The following CD247 variants were observed in gnomAD, a reference collection of about 807,000 sequenced individuals.
CD247 encodes the protein CD247 molecule, also known as T-cell surface glycoprotein CD3 zeta chain.
A neutral mutation model predicts 30.0 loss-of-function variants in CD247; 13 were observed. That is an observed-to-expected ratio of 0.43 (90% CI 0.28 to 0.69). The LOEUF is 0.69. CD247 is among the 30% of genes least tolerant of loss of function. The probability of loss-of-function intolerance (pLI) is 0.16; values close to 1 mark genes in which losing one functional copy is unlikely to be tolerated. For missense variants in CD247, 193 were observed against 212.6 expected (o/e 0.91, Z 0.57); for synonymous variants, 72 against 80.0 (o/e 0.90, Z 0.53).
At chr1:167,454,287 C>T (rs1652521387) in intron 1 of CD247, among the ~76,000 whole-genome samples, 1 of 152,148 alleles carries the variant, frequency 6.6e-6, no homozygotes, top group Middle Eastern at 3.2e-3. Flanking sequence ...AGAGGAGCCA[C>T]GGGAGGGGGA....
At chr1:167,442,942 G>C (rs761558944) in intron 1 of CD247, among the ~76,000 whole-genome samples, 6 of 152,134 alleles carry the variant, frequency 3.9e-5, no homozygotes, top group Non-Finnish European at 7.4e-5. Context: ...CCACAGCTTT[G>C]TGCCACCCTG....
chr1:167,511,409 A>C (rs577148323), intron 1 of CD247, among the ~76,000 whole-genome samples: 13 of 152,310 alleles, frequency 8.5e-5, no homozygotes, highest in African/African-American at 2.9e-4. Flanking sequence ...GTTGAACTGC[A>C]AATTGAGGCG....
At chr1:167,475,485 C>CA (rs1653708702) in intron 1 of CD247, among the ~76,000 whole-genome samples, 1 of 151,984 alleles carries the variant, frequency 6.6e-6, no homozygotes, top group Admixed American at 6.6e-5. Context: ...AATATTCCAG[C>CA]AAACAAATGA....
chr1:167,509,312 C>CGAGAT (rs1655278856), intron 1 of CD247, among the ~76,000 whole-genome samples: 1 of 145,474 alleles, frequency 6.9e-6, no homozygotes, highest in East Asian at 2.0e-4. Context: ...TGTGGTGAGC[C>CGAGAT]GAGATCGCGC....
At chr1:167,502,756 A>C (rs1268060330) in intron 1 of CD247, among the ~76,000 whole-genome samples, 1 of 152,208 alleles carries the variant, frequency 6.6e-6, no homozygotes, top group Non-Finnish European at 1.5e-5. Flanking sequence ...CCATGCACAC[A>C]CAGGGAGAAT....
At chr1:167,450,386 C>T (rs1003115057) in intron 1 of CD247, among the ~76,000 whole-genome samples, 3 of 152,064 alleles carry the variant, frequency 2.0e-5, no homozygotes, top group Non-Finnish European at 2.9e-5. Context: ...CACAGCTACT[C>T]AGGAGGCTGA....
At chr1:167,517,522 G>A (rs1187662495) in intron 1 of CD247, among the ~76,000 whole-genome samples, 1 of 152,226 alleles carries the variant, frequency 6.6e-6, no homozygotes, top group African/African-American at 2.4e-5. Flanking sequence ...AAAACATGGT[G>A]GAAGCTAAAG....
chr1:167,431,892 C>G, intron 7 of CD247, 146 bp from the exon 8 acceptor site: 1 of 723,476 alleles, frequency 1.4e-6, no homozygotes. Context: ...TCCCCCTGGC[C>G]CCACGGGCAG....
At position 167,438,588 on chromosome 1, in the gene CD247, A is replaced by G; in HGVS notation, c.282T>C (p.Pro94=). 6.2e-7 allele frequency: 1 copy of G among 1,613,770 alleles called. No homozygotes were observed. Among genetic ancestry groups the G allele is most frequent in the Non-Finnish European group, 8.5e-7 (1 of 1,179,718 alleles). The change falls in exon 4 of 8, where the codon CCT becomes CCC. Residue 94 remains proline (P), a synonymous_variant. Coordinates refer to ENST00000362089, the MANE Select transcript of CD247 (RefSeq NM_198053.3). ...DVLDKRRGRD[P]EMGGKPQRRK... Reference sequence around the variant, plus strand: ...CCCCTACCGGCTTTCCCCCCATCTCAGGGTCCCGGCCACGTCTCTTGTCCA... The same window carrying G: ...CCCCTACCGGCTTTCCCCCCATCTCGGGGTCCCGGCCACGTCTCTTGTCCA...
chr1:167,439,246 G>A (rs548366562), intron 3 of CD247, 98 bp downstream of exon 3: 2 of 1,111,590 alleles, frequency 1.8e-6, no homozygotes, highest in East Asian at 4.7e-5. Flanking sequence ...GATAGCTAGG[G>A]ACCAAACCTA....
Position 167,449,003 on chromosome 1 carries a change from G to A in CD247, c.59-8236C>T, listed in dbSNP as rs150630798. Reference sequence around the variant, plus strand: ...TACCTACAAATTATGTATTCCCATAGATAAGGGTTCCAAGGGAAGAGGGAA... The same window carrying A: ...TACCTACAAATTATGTATTCCCATAAATAAGGGTTCCAAGGGAAGAGGGAA... On this transcript the variant is annotated intron_variant, in intron 1 of 7. Coordinates refer to ENST00000362089, the MANE Select transcript of CD247 (RefSeq NM_198053.3). Among the ~76,000 whole-genome samples, 12 of 152,250 alleles carry A rather than the reference G, an allele frequency of 7.9e-5. 1 individual carries two copies. The East Asian group carries it at 2.3e-3, about 29-fold the overall frequency.
In CD247 at chr1:167,430,934, T is replaced by C. The variant is rs936114712; in HGVS notation, c.*747A>G. 1.3e-5 allele frequency: 5 copies of C among 398,366 alleles called. No individual in the cohort carries two copies. Among genetic ancestry groups the C allele is most frequent in the Non-Finnish European group, 2.2e-5 (5 of 226,258 alleles). The allele number at this position is 398,366 out of a possible 1,614,324, so 24.7% of individuals were successfully genotyped here. A position where few individuals can be genotyped will look rare whatever the true frequency, so the allele number is the denominator to read the frequency against. On this transcript the variant is annotated 3_prime_UTR_variant, in exon 8 of 8. Coordinates refer to ENST00000362089, the MANE Select transcript of CD247 (RefSeq NM_198053.3). Reference sequence around the variant, plus strand: ...GGCCTCCTCTTGCTCCGCAGCACTTTATTCACACTGTGTAACCACATGTTT... The same window carrying C: ...GGCCTCCTCTTGCTCCGCAGCACTTCATTCACACTGTGTAACCACATGTTT...
intron 1 of CD247, among the ~76,000 whole-genome samples, chr1:167,501,206 C>G (rs1430412174): frequency 6.6e-6 from 1 of 152,056 alleles, no homozygotes; most frequent in Non-Finnish European, 1.5e-5. Context: ...AGGCATGCCA[C>G]CACACCTGGC....
chr1:167,510,819 C>A (rs1266459200), intron 1 of CD247, among the ~76,000 whole-genome samples: 1 of 152,210 alleles, frequency 6.6e-6, no homozygotes, highest in Admixed American at 6.5e-5. Context: ...CTCCTCCCCA[C>A]CTGCCATGGC....
At chr1:167,443,473 C>A (rs1341076600) in intron 1 of CD247, among the ~76,000 whole-genome samples, 1 of 152,188 alleles carries the variant, frequency 6.6e-6, no homozygotes, top group Non-Finnish European at 1.5e-5. Context: ...GCTGGGGTGA[C>A]TTTTTGCTGT....
intron 1 of CD247, among the ~76,000 whole-genome samples, chr1:167,497,935 C>CA (rs1654759089): frequency 6.6e-6 from 1 of 152,074 alleles, no homozygotes; most frequent in Non-Finnish European, 1.5e-5. Context: ...AAAAAGATGC[C>CA]AAAAAAGCCT....
intron 1 of CD247, among the ~76,000 whole-genome samples, chr1:167,492,779 C>T (rs1218233213): frequency 6.6e-6 from 1 of 152,120 alleles, no homozygotes; most frequent in African/African-American, 2.4e-5. Flanking sequence ...AAGGCTGAGC[C>T]CATGCTGTGT....
At chr1:167,479,140 A>T (rs769685023) in intron 1 of CD247, among the ~76,000 whole-genome samples, 18 of 152,256 alleles carry the variant, frequency 1.2e-4, no homozygotes, top group Admixed American at 1.1e-3. Context: ...GCTAATGGAC[A>T]GTTGGGTTAT....
At chr1:167,482,719 T>C (rs944514169) in intron 1 of CD247, among the ~76,000 whole-genome samples, 1 of 152,102 alleles carries the variant, frequency 6.6e-6, no homozygotes, top group Non-Finnish European at 1.5e-5. Context: ...TGGACAAATA[T>C]CCAAAGGGCT....
Sources: allele counts gnomAD v4.1 joint callset (sites outside exome capture counted in the v4.1 genomes callset), GRCh38; gene constraint gnomAD v4.1.1; transcripts MANE v1.5; gene names NCBI Gene and HGNC (gene_info 2026-07-23, HGNC 2026-07-21).